Variants in FAM227B observed in about 807,000 individuals in gnomAD.
FAM227B encodes the protein family with sequence similarity 227 member B.
Under a neutral mutation model 73.8 loss-of-function variants are expected in FAM227B, and 88 were observed. The observed-to-expected ratio is 1.19, with a 90% CI of 1.00 to 1.42. The LOEUF (loss-of-function observed/expected upper bound fraction) is 1.42, where lower values mean the gene tolerates loss of function less well. Among genes scored for constraint, FAM227B ranks in the 40% most tolerant of loss-of-function variants. FAM227B has a pLI of 0.00. For missense variants in FAM227B, 632 were observed against 590.9 expected (o/e 1.07, Z -0.72); for synonymous variants, 210 against 190.5 (o/e 1.10, Z -0.84).
chr15:49,541,680 C>A lies in FAM227B; in HGVS notation c.874G>T (p.Gly292Cys). Residue 292 changes from glycine to cysteine, a missense_variant and splice_region_variant, in exon 10 of 16, where the codon GGT becomes TGT. Transcript: ENST00000299338. ...TAATATTTAAATGATATATTCATAC[C>A]TGAACACCAAAGAAAAATGTTATTC... ...LGNNIFLWCSGLKPQKGFWIH... is the reference protein window; with the variant it reads ...LGNNIFLWCSCLKPQKGFWIH... 1 of 1,498,342 alleles carries A rather than the reference C, an allele frequency of 6.7e-7. No individual in the cohort carries two copies. The allele number at this position is 1,498,342 out of a possible 1,614,324, so 92.8% of individuals were successfully genotyped here.
At chr15:49,573,291 T>G (rs1436339683) in intron 8 of FAM227B, among the ~76,000 whole-genome samples, 2 of 152,216 alleles carry the variant, frequency 1.3e-5, no homozygotes, top group African/African-American at 4.8e-5. Flanking sequence ...AAACACTGTG[T>G]TTGACTTAAA....
Position 49,598,506 on chromosome 15 carries a change from G to A in FAM227B, c.106-8499C>T, listed in dbSNP as rs1296399717. Among the ~76,000 whole-genome samples the A allele has an allele frequency of 2.0e-5, 3 of 152,040 alleles. No homozygotes were observed. In the East Asian group the frequency reaches 5.8e-4, roughly 29 times the overall value. On this transcript the variant is annotated intron_variant, in intron 3 of 15. Transcript: ENST00000299338. ...ACCATAATGAATAGGAGTGCTGAGT[G>A]GGAATCCTTGTGTTGTTTCTGTTCT...
At chr15:49,609,937 A>G (rs1380990907) in intron 3 of FAM227B, among the ~76,000 whole-genome samples, 2 of 151,950 alleles carry the variant, frequency 1.3e-5, no homozygotes, top group African/African-American at 4.8e-5. Flanking sequence ...GGCTATAAAT[A>G]TAGCCTTTGA....
intron 13 of FAM227B, among the ~76,000 whole-genome samples, chr15:49,364,050 C>T (rs1198321177): frequency 1.3e-5 from 2 of 152,132 alleles, no homozygotes; most frequent in Non-Finnish European, 2.9e-5. Flanking sequence ...CATCTATGTT[C>T]ATCAAGAATA....
chr15:49,589,655 G>C, intron 4 of FAM227B, 121 bp downstream of exon 4: 1 of 662,948 alleles, frequency 1.5e-6, no homozygotes, highest in South Asian at 1.8e-5. Context: ...GCTTATGCCT[G>C]TAATTCCAAC....
At chr15:49,407,668 T>C (rs901242616) in intron 11 of FAM227B, among the ~76,000 whole-genome samples, 2 of 148,266 alleles carry the variant, frequency 1.3e-5, no homozygotes, top group African/African-American at 4.9e-5. Context: ...ATATTAATTA[T>C]ATATAGTACT....
At chr15:49,362,606 G>C (rs551448012) in intron 13 of FAM227B, among the ~76,000 whole-genome samples, 1 of 152,150 alleles carries the variant, frequency 6.6e-6, no homozygotes, top group East Asian at 1.9e-4. Context: ...CTTTTGCTGC[G>C]CAGAAGGTCT....
chr15:49,513,043 T>C (rs1174865973), intron 10 of FAM227B, among the ~76,000 whole-genome samples: 1 of 152,188 alleles, frequency 6.6e-6, no homozygotes, highest in East Asian at 1.9e-4. Context: ...TTTGATATTG[T>C]GAATAGTGCT....
At chr15:49,355,617 G>A (rs1238957682) in intron 13 of FAM227B, among the ~76,000 whole-genome samples, 2 of 152,142 alleles carry the variant, frequency 1.3e-5, no homozygotes, top group Non-Finnish European at 2.9e-5. Context: ...CGTCTGACTG[G>A]TGTACCTGAA....
chr15:49,347,632 G>T (rs2041692920), intron 13 of FAM227B, among the ~76,000 whole-genome samples: 1 of 152,120 alleles, frequency 6.6e-6, no homozygotes, highest in East Asian at 1.9e-4. Context: ...ATCCTGAGAA[G>T]CTTAGTTATT....
intron 11 of FAM227B, among the ~76,000 whole-genome samples, chr15:49,445,634 C>T (rs944232692): frequency 2.6e-5 from 4 of 151,296 alleles, no homozygotes; most frequent in Non-Finnish European, 4.4e-5. Flanking sequence ...TCACTGTGTA[C>T]ACCATAAATA....
intron 10 of FAM227B, among the ~76,000 whole-genome samples, chr15:49,520,500 T>TAG (rs1427326844): frequency 1.3e-5 from 2 of 152,106 alleles, no homozygotes; most frequent in Admixed American, 6.6e-5. Flanking sequence ...TGTGAAGAAA[T>TAG]ACCTAAGACT....
intron 10 of FAM227B, among the ~76,000 whole-genome samples, chr15:49,508,724 T>C (rs981466009): frequency 1.3e-5 from 2 of 152,190 alleles, no homozygotes; most frequent in South Asian, 2.1e-4. Context: ...GGTTATTCAC[T>C]AGACTGAGCC....
In FAM227B at chr15:49,351,324, T is replaced by C. The variant is rs77183404; in HGVS notation, c.1272-15828A>G. The stretch of plus-strand genomic sequence containing the variant: ...GTACTTAGCCACTCCTTTTAGATCA[T>C]GTTAAAGTCTTTCCTGGAAGATACG... On this transcript the variant is annotated intron_variant, in intron 13 of 15. Coordinates refer to ENST00000299338, the MANE Select transcript of FAM227B (RefSeq NM_152647.3). Among the ~76,000 whole-genome samples, 485 of 152,316 alleles carry C rather than the reference T, an allele frequency of 3.2e-3. 16 individuals are homozygous for C. In the East Asian group the frequency reaches 0.088, roughly 28 times the overall value.
intron 11 of FAM227B, among the ~76,000 whole-genome samples, chr15:49,382,555 G>A (rs571097146): frequency 3.3e-5 from 5 of 152,016 alleles, no homozygotes; most frequent in Non-Finnish European, 5.9e-5. Context: ...CCTAAATACT[G>A]CAAAAGTAGC....
At chr15:49,584,178 C>T (rs1393260689) in intron 5 of FAM227B, among the ~76,000 whole-genome samples, 69 of 152,162 alleles carry the variant, frequency 4.5e-4, no homozygotes, top group Non-Finnish European at 1.2e-4. Flanking sequence ...ATCAAGTAGG[C>T]TTTATCCCTG....
intron 6 of FAM227B, 76 bp from the exon 7 acceptor site, chr15:49,576,921 G>T: frequency 1.3e-6 from 1 of 755,344 alleles, no homozygotes; most frequent in Middle Eastern, 2.7e-4. Flanking sequence ...AACTACAGAA[G>T]ACCAACATTT....
chr15:49,527,678 C>T (rs909672482), intron 10 of FAM227B, among the ~76,000 whole-genome samples: 3 of 151,836 alleles, frequency 2.0e-5, no homozygotes, highest in Non-Finnish European at 4.4e-5. Flanking sequence ...AAACAGTGTA[C>T]AGAAATCAGT....
chr15:49,518,021 C>T (rs1230212630), intron 10 of FAM227B, among the ~76,000 whole-genome samples: 9 of 152,230 alleles, frequency 5.9e-5, no homozygotes, highest in East Asian at 3.9e-4. Context: ...CTGCAATTTA[C>T]GTAAACTTCA....
Sources: gnomAD v4.1 joint callset for allele counts (sites outside exome capture counted in the v4.1 genomes callset) on GRCh38, gnomAD v4.1.1 for gene constraint, MANE v1.5 for transcripts, NCBI Gene and HGNC (gene_info 2026-07-23, HGNC 2026-07-21) for gene names.